UBE2D2: variants seen among roughly 807,000 people sequenced by gnomAD.
The protein encoded by UBE2D2 is ubiquitin-conjugating enzyme E2 D2.
In UBE2D2, 2 loss-of-function variants were observed where a neutral mutation model predicts 24.2. The ratio of observed to expected loss-of-function variants is 0.08; its 90% confidence interval spans 0.03 to 0.26. UBE2D2 has a LOEUF of 0.26. UBE2D2 is among the 10% of genes least tolerant of loss of function. The pLI is 1.00. For missense variants in UBE2D2, 44 were observed against 177.6 expected, an observed-to-expected ratio of 0.25 and a Z score of 4.28; for synonymous variants, 58 against 56.5, an observed-to-expected ratio of 1.03 and a Z score of -0.12.
chr5:139,628,136 T>G lies in UBE2D2; in HGVS notation c.*1335T>G, dbSNP rs1476079837. The G allele has an allele frequency of 6.6e-6, 1 of 152,666 alleles. No homozygotes were observed. The highest frequency in any genetic ancestry group is 1.5e-5 in the Non-Finnish European group (1 of 68,052). 9.5% of individuals were successfully genotyped at this position (152,666 alleles called of 1,614,324 possible). On this transcript the variant is annotated 3_prime_UTR_variant, in exon 7 of 7. Transcript: ENST00000398733. ...TTGTTTGGAGAGTCTACATAATTAC[T>G]TTGCACTAACATTTGCAGGATGTTC...
intron 2 of UBE2D2, among the ~76,000 whole-genome samples, chr5:139,613,824 G>A (rs1754371068): frequency 6.6e-6 from 1 of 152,080 alleles, no homozygotes; most frequent in Non-Finnish European, 1.5e-5. Flanking sequence ...TCCAGCTTTG[G>A]GAGGCTGAGG....
intron 2 of UBE2D2, among the ~76,000 whole-genome samples, chr5:139,605,132 A>G (rs1754171005): frequency 6.6e-6 from 1 of 152,152 alleles, no homozygotes. Context: ...AATAAAGTGG[A>G]GACTTGTGCT....
intron 2 of UBE2D2, among the ~76,000 whole-genome samples, chr5:139,611,368 A>G (rs1754316898): frequency 6.6e-6 from 1 of 151,622 alleles, no homozygotes. Flanking sequence ...TTATATTTTC[A>G]GTAGAGACGG....
rs1018433488 is a variant in UBE2D2 at position 139,535,002 on chromosome 5, G to A, written c.-64+8390G>A. Among the ~76,000 whole-genome samples, 7 of 151,804 alleles carry A rather than the reference G, an allele frequency of 4.6e-5. No individual in the cohort carries two copies. The East Asian group carries it at 1.4e-3, about 29-fold the overall frequency. On this transcript the variant is annotated intron_variant, in intron 1 of 6. Coordinates refer to the UBE2D2 transcript ENST00000511725. The stretch of plus-strand genomic sequence containing the variant: ...AAAAATAGAAAAATTAGCCAGGTTT[G>A]GTGGTACATGCCTGTAGTCCCAGCT...
At chr5:139,557,609 C>A (rs1398749841), upstream of UBE2D2, among the ~76,000 whole-genome samples, 1 of 151,764 alleles carries the variant, frequency 6.6e-6, no homozygotes, top group East Asian at 2.0e-4. Flanking sequence ...ATTAGCCAGG[C>A]GTTGTGGTGC....
intron 1 of UBE2D2, among the ~76,000 whole-genome samples, chr5:139,585,771 G>C (rs980661064): frequency 6.6e-6 from 1 of 151,746 alleles, no homozygotes; most frequent in African/African-American, 2.4e-5. Context: ...AAGGGGTAGA[G>C]AAGAGTTTGT....
At chr5:139,579,086 G>T (rs1286619249) in intron 1 of UBE2D2, among the ~76,000 whole-genome samples, 1 of 152,182 alleles carries the variant, frequency 6.6e-6, no homozygotes, top group Non-Finnish European at 1.5e-5. Flanking sequence ...TCCTGCCTCA[G>T]CCTCCTGGGT....
intron 1 of UBE2D2, among the ~76,000 whole-genome samples, chr5:139,583,713 GATC>G (rs1278343036): frequency 6.6e-6 from 1 of 152,190 alleles, no homozygotes; most frequent in Non-Finnish European, 1.5e-5. Flanking sequence ...AGTGAGCTGA[GATC>G]ATGCCACTGC....
Position 139,615,732 on chromosome 5 carries a change from G to C in UBE2D2, c.304+766G>C, listed in dbSNP as rs185355160. Among the ~76,000 whole-genome samples the C allele has an allele frequency of 2.4e-4, 37 of 151,904 alleles. No homozygotes were observed. The Middle Eastern group carries it at 0.01, about 42-fold the overall frequency. ...CTTTAGGTTTCTGTATCAATGAACTGAGTGATGTAGTTGTTGTCTTAATGT... is the reference window on the plus strand; with the variant it reads ...CTTTAGGTTTCTGTATCAATGAACTCAGTGATGTAGTTGTTGTCTTAATGT... On this transcript the variant is annotated intron_variant, in intron 5 of 6. Coordinates refer to ENST00000398733, the MANE Select transcript of UBE2D2 (RefSeq NM_003339.3).
At position 139,547,106 on chromosome 5, in the gene UBE2D2, C is replaced by G. The variant is rs982297316; in HGVS notation, c.-64+20494C>G. On this transcript the variant is annotated intron_variant, in intron 1 of 6. Coordinates refer to the UBE2D2 transcript ENST00000511725. The stretch of plus-strand genomic sequence containing the variant: ...GAGATCAAGACCATCCTGGCTAACA[C>G]GGTGAAATCCCGTCTCTACTAAAAA... 3.3e-5 allele frequency among the ~76,000 whole-genome samples: 5 copies of G among 151,690 alleles called. No individual in the cohort carries two copies. In the East Asian group the frequency reaches 8.1e-4, roughly 24 times the overall value.
At chr5:139,559,739 C>G (rs1753033007), upstream of UBE2D2, among the ~76,000 whole-genome samples, 3 of 152,182 alleles carry the variant, frequency 2.0e-5, no homozygotes, top group South Asian at 6.2e-4. Flanking sequence ...AATCAATGAT[C>G]TGCAAGGTCC....
intron 1 of UBE2D2, among the ~76,000 whole-genome samples, chr5:139,594,293 T>C (rs1032747493): frequency 1.4e-4 from 22 of 152,222 alleles, no homozygotes; most frequent in Admixed American, 1.1e-3. Context: ...CCTTGAAGGA[T>C]GCCTTCCCCT....
At chr5:139,587,148 C>T (rs773185167) in intron 1 of UBE2D2, among the ~76,000 whole-genome samples, 2 of 152,082 alleles carry the variant, frequency 1.3e-5, no homozygotes, top group Non-Finnish European at 1.5e-5. Context: ...CTGTGGGTCA[C>T]GGAAGAGAAC....
upstream of UBE2D2, chr5:139,561,089 T>A (rs773208653): frequency 2.0e-5 from 3 of 152,664 alleles, no homozygotes; most frequent in Non-Finnish European, 4.4e-5. Context: ...TGGGTTTCCA[T>A]CAGCAATGAA....
chr5:139,593,174 T>C (rs1334680997), intron 1 of UBE2D2, among the ~76,000 whole-genome samples: 1 of 151,752 alleles, frequency 6.6e-6, no homozygotes, highest in African/African-American at 2.4e-5. Context: ...TTTTATATTT[T>C]TAGTAGAGAC....
intron 6 of UBE2D2, 56 bp downstream of exon 6, chr5:139,623,517 C>G: frequency 6.9e-7 from 1 of 1,445,288 alleles, no homozygotes; most frequent in Non-Finnish European, 9.7e-7. Flanking sequence ...ATGTTTGTCA[C>G]AAATCTTTCT....
chr5:139,582,906 A>G (rs901608808), intron 1 of UBE2D2, among the ~76,000 whole-genome samples: 5 of 149,696 alleles, frequency 3.3e-5, no homozygotes, highest in African/African-American at 1.2e-4. Context: ...TCCTGACCTC[A>G]TGATCTGCCC....
rs186609292 is a variant in UBE2D2, at chr5:139,580,587, C to T, written c.24+18772C>T. Among the ~76,000 whole-genome samples the T allele has an allele frequency of 4.2e-3, 640 of 152,296 alleles. 7 individuals are homozygous for T. Among genetic ancestry groups the T allele is most frequent in the African/African-American group, 0.014 (567 of 41,564 alleles). On this transcript the variant is annotated intron_variant, in intron 1 of 6. Coordinates refer to ENST00000398733, the MANE Select transcript of UBE2D2 (RefSeq NM_003339.3). ...AGCAATTCTCCTGCCTCTGGGACCA[C>T]AGGCATGTGCCACCACACCCGGCTA...
chr5:139,583,992 TAA>T (rs765477602), intron 1 of UBE2D2, among the ~76,000 whole-genome samples: 2 of 152,112 alleles, frequency 1.3e-5, no homozygotes, highest in Non-Finnish European at 2.9e-5. Context: ...AAAAAAATAA[TAA>T]GTTTATTATA....
Sources: allele counts gnomAD v4.1 joint callset (sites outside exome capture counted in the v4.1 genomes callset), GRCh38; gene constraint gnomAD v4.1.1; transcripts MANE v1.5; gene names NCBI Gene and HGNC (gene_info 2026-07-23, HGNC 2026-07-21).